Variants in STAU2 observed in about 807,000 individuals in gnomAD.
STAU2 encodes double-stranded RNA-binding protein Staufen homolog 2.
A neutral mutation model predicts 65.9 loss-of-function variants in STAU2; 20 were observed. That is an observed-to-expected ratio of 0.30 (90% CI 0.21 to 0.44). The LOEUF (loss-of-function observed/expected upper bound fraction) is 0.44, where lower values mean the gene tolerates loss of function less well. Ranked by LOEUF, STAU2 falls within the 20% of genes least tolerant of loss-of-function variation. STAU2 has a pLI of 1.00. For missense variants in STAU2, 558 were observed against 683.9 expected, an observed-to-expected ratio of 0.82 and a Z score of 2.05; for synonymous variants, 232 against 233.9, an observed-to-expected ratio of 0.99 and a Z score of 0.07.
At chr8:73,531,015 C>A (rs1486019955) in intron 13 of STAU2, among the ~76,000 whole-genome samples, 1 of 152,154 alleles carries the variant, frequency 6.6e-6, no homozygotes, top group Non-Finnish European at 1.5e-5. Flanking sequence ...GGATGAGTAG[C>A]AGCTTCCTCT....
intron 6 of STAU2, among the ~76,000 whole-genome samples, chr8:73,655,943 G>A (rs1266566154): frequency 1.4e-5 from 2 of 147,476 alleles, no homozygotes; most frequent in Non-Finnish European, 3.0e-5. Context: ...CCACTGCGCT[G>A]GGCTAATTTT....
At position 73,595,234 on chromosome 8, in the gene STAU2, C is replaced by T. The variant is rs200304414; in HGVS notation, c.1093G>A (p.Ala365Thr). ...GPNKKIAKKNAAEAMLLQLGY... is the reference protein window; with the variant it reads ...GPNKKIAKKNTAEAMLLQLGY... ...AGTTGTAACAGCATTGCTTCTGCAG[C>T]ATTTTTTTTGGCTATCTTTTTATTA... Residue 365 changes from alanine to threonine, a missense_variant, in exon 11 of 15, where the codon GCT (alanine) becomes ACT (threonine). Around this residue, in one of 3 missense-constraint regions of STAU2, gnomAD observed 247 missense variants for 270.1 expected, o/e 0.91. Transcript: ENST00000524300. 1.9e-6 allele frequency: 3 copies of T among 1,611,856 alleles called. No homozygotes were observed. The highest frequency in any genetic ancestry group is 2.5e-6 in the Non-Finnish European group (3 of 1,179,174).
intron 9 of STAU2, among the ~76,000 whole-genome samples, chr8:73,607,834 A>G (rs139817617): frequency 9.0e-4 from 137 of 152,126 alleles, no homozygotes; most frequent in African/African-American, 2.9e-3. Context: ...AAGTCTGCGT[A>G]TATCATACGG....
At chr8:73,454,166 G>A (rs185442978) in intron 13 of STAU2, among the ~76,000 whole-genome samples, 57 of 152,210 alleles carry the variant, frequency 3.7e-4, no homozygotes, top group Non-Finnish European at 6.3e-4. Flanking sequence ...AAGGAATTCC[G>A]TTCCCCAATC....
intron 5 of STAU2, among the ~76,000 whole-genome samples, chr8:73,678,804 T>C (rs1818192250): frequency 6.6e-6 from 1 of 152,172 alleles, no homozygotes; most frequent in Non-Finnish European, 1.5e-5. Flanking sequence ...TAATAATATT[T>C]TGGCTTATTT....
At chr8:73,447,191 G>A (rs1416465543) in intron 13 of STAU2, among the ~76,000 whole-genome samples, 10 of 152,118 alleles carry the variant, frequency 6.6e-5, no homozygotes, top group Non-Finnish European at 1.3e-4. Flanking sequence ...TGATCTGCCC[G>A]CCTCGGCCTC....
At chr8:73,634,761 C>T (rs570867289) in intron 6 of STAU2, among the ~76,000 whole-genome samples, 15 of 152,280 alleles carry the variant, frequency 9.9e-5, no homozygotes, top group African/African-American at 3.6e-4. Flanking sequence ...TGATCTCCTG[C>T]TTCTCCCTCA....
Position 73,635,952 on chromosome 8 carries a change from C to CACACACACACACACA in STAU2, c.411-18502_411-18501insTGTGTGTGTGTGTGT, listed in dbSNP as rs1586165974. Among the ~76,000 whole-genome samples the CACACACACACACACA allele has an allele frequency of 1.1e-3, 92 of 80,244 alleles. 2 individuals carry two copies. The highest frequency in any genetic ancestry group is 3.7e-3 in the East Asian group (7 of 1,912). The allele number at this position is 80,244 out of a possible 152,430, so 52.6% of individuals were successfully genotyped here. On this transcript the variant is annotated intron_variant, in intron 6 of 14. Coordinates refer to ENST00000524300, the MANE Select transcript of STAU2 (RefSeq NM_001164380.2). ...CACACACACACACACACACACACAC[C>CACACACACACACACA]CCTGGAACCAATTCAAAGAAATTTA...
rs1807855411 is a variant in STAU2, at chr8:73,557,222, C to T, written c.1223-4903G>A. Among the ~76,000 whole-genome samples, 3 of 152,180 alleles carry T rather than the reference C, an allele frequency of 2.0e-5. No individual in the cohort carries two copies. In the South Asian group the frequency reaches 6.2e-4, roughly 31 times the overall value. ...ACAGCATAAGAACGTGGAGTTCAGG[C>T]TCTCCTATTCTACAGTAAAGCCTAA... is the stretch of plus-strand genomic sequence containing the variant. On this transcript the variant is annotated intron_variant, in intron 12 of 14. Coordinates refer to ENST00000524300, the MANE Select transcript of STAU2 (RefSeq NM_001164380.2).
intron 6 of STAU2, among the ~76,000 whole-genome samples, chr8:73,658,183 G>A (rs1816528832): frequency 1.3e-5 from 2 of 151,832 alleles, no homozygotes; most frequent in Admixed American, 6.6e-5. Flanking sequence ...GACCAACATG[G>A]TGAAACCCCA....
intron 6 of STAU2, among the ~76,000 whole-genome samples, chr8:73,634,025 T>C (rs900455289): frequency 1.3e-5 from 2 of 152,058 alleles, no homozygotes; most frequent in African/African-American, 4.8e-5. Flanking sequence ...TAGCACAGGT[T>C]ATACACTTAC....
At chr8:73,442,149 T>C (rs1297526804) in intron 13 of STAU2, among the ~76,000 whole-genome samples, 1 of 151,968 alleles carries the variant, frequency 6.6e-6, no homozygotes, top group African/African-American at 2.4e-5. Flanking sequence ...GGTCAGGAGA[T>C]CGAGATCATC....
At chr8:73,446,272 A>G (rs1008807664) in intron 13 of STAU2, among the ~76,000 whole-genome samples, 2 of 152,224 alleles carry the variant, frequency 1.3e-5, no homozygotes, top group South Asian at 4.1e-4. Flanking sequence ...CATGGTTGCC[A>G]GGGCTGGGGA....
At chr8:73,672,572 T>C (rs1289451204) in intron 6 of STAU2, 1 of 152,076 alleles carries the variant, frequency 6.6e-6, no homozygotes, top group Non-Finnish European at 1.5e-5. Flanking sequence ...AAAAACTGCA[T>C]ATAAAGGACA....
At chr8:73,566,828 T>A (rs1040998265) in intron 12 of STAU2, among the ~76,000 whole-genome samples, 3 of 152,228 alleles carry the variant, frequency 2.0e-5, no homozygotes, top group Admixed American at 6.5e-5. Flanking sequence ...AAAGGATCTG[T>A]CTTTCAGACA....
chr8:73,436,432 A>G (rs756716766), intron 13 of STAU2, among the ~76,000 whole-genome samples: 3 of 151,680 alleles, frequency 2.0e-5, no homozygotes, highest in South Asian at 4.1e-4. Flanking sequence ...ACCTGATTTT[A>G]CACGTATATT....
At chr8:73,652,032 G>A (rs1239362789) in intron 6 of STAU2, among the ~76,000 whole-genome samples, 2 of 152,208 alleles carry the variant, frequency 1.3e-5, no homozygotes, top group Non-Finnish European at 2.9e-5. Flanking sequence ...GCAGAAGTGG[G>A]CTTGTTATAG....
chr8:73,739,664 G>C (rs567431979), intron 2 of STAU2, 92 bp downstream of exon 2: 1 of 1,021,040 alleles, frequency 9.8e-7, no homozygotes, highest in Non-Finnish European at 1.3e-6. Context: ...TCTAATTACT[G>C]TCACATTTCC....
intron 13 of STAU2, among the ~76,000 whole-genome samples, chr8:73,516,100 A>ATT (rs113557390): frequency 6.7e-6 from 1 of 148,826 alleles, no homozygotes; most frequent in Admixed American, 6.7e-5. Flanking sequence ...TGCCCAACTA[A>ATT]TTTTTTTTTT....
Sources: gnomAD v4.1 joint callset for allele counts (sites outside exome capture counted in the v4.1 genomes callset) on GRCh38, gnomAD v4.1.1 for gene constraint, gnomAD v4.1.1 regional missense constraint, MANE v1.5 for transcripts, NCBI Gene and HGNC (gene_info 2026-07-23, HGNC 2026-07-21) for gene names.